The following SEC23B variants were observed in gnomAD, a reference collection of about 807,000 sequenced individuals.
SEC23B encodes the protein SEC23 homolog B, COPII component.
Under a neutral mutation model 104.3 loss-of-function variants are expected in SEC23B, and 77 were observed. The observed-to-expected ratio is 0.74, with a 90% CI of 0.61 to 0.89. The LOEUF (loss-of-function observed/expected upper bound fraction) is 0.89, where lower values mean the gene tolerates loss of function less well. Ranked by LOEUF, SEC23B falls within the 40% of genes least tolerant of loss-of-function variation. The probability of loss-of-function intolerance (pLI) is 0.00; values close to 1 mark genes in which losing one functional copy is unlikely to be tolerated. For synonymous variants in SEC23B, 338 were observed against 332.5 expected, an observed-to-expected ratio of 1.02 and a Z score of -0.18; for missense variants, 885 against 949.4, an observed-to-expected ratio of 0.93 and a Z score of 0.89.
chr20:18,546,295 G>A (rs935506547), intron 15 of SEC23B, among the ~76,000 whole-genome samples: 2 of 152,052 alleles, frequency 1.3e-5, no homozygotes, highest in African/African-American at 2.4e-5. Context: ...ATATAAGGCC[G>A]TAAAAAATAT....
At chr20:18,545,922 T>C (rs1433365816) in intron 14 of SEC23B, 34 bp from the exon 15 acceptor site, 2 of 1,169,608 alleles carry the variant, frequency 1.7e-6, no homozygotes, top group East Asian at 2.3e-5. Context: ...TTTTTGTGTG[T>C]GTTTGTTTGT....
At chr20:18,538,192 C>T (rs147155610) in intron 12 of SEC23B, among the ~76,000 whole-genome samples, 6 of 151,784 alleles carry the variant, frequency 4.0e-5, no homozygotes, top group East Asian at 1.9e-4. Context: ...CTGCCTGCCT[C>T]AGCTCCCAAA....
At chr20:18,537,486 A>G (rs1314968436) in intron 12 of SEC23B, among the ~76,000 whole-genome samples, 1 of 152,116 alleles carries the variant, frequency 6.6e-6, no homozygotes, top group African/African-American at 2.4e-5. Flanking sequence ...AAACTATCGC[A>G]AGGACAAAAA....
intron 4 of SEC23B, among the ~76,000 whole-genome samples, chr20:18,517,700 C>A (rs2060042128): frequency 6.6e-6 from 1 of 152,092 alleles, no homozygotes; most frequent in Non-Finnish European, 1.5e-5. Context: ...TGGGAACCTA[C>A]AGTGGGAGAG....
chr20:18,548,672 T>A lies in SEC23B; in HGVS notation c.1807T>A (p.Ser603Thr). 1 of 1,614,066 alleles carries A rather than the reference T, an allele frequency of 6.2e-7. No individual in the cohort carries two copies. The highest frequency in any genetic ancestry group is 8.5e-7 in the Non-Finnish European group (1 of 1,179,922). Residue 603 changes from serine (S) to threonine (T), a missense_variant, in exon 16 of 20, where the codon TCA becomes ACA. Ser to Thr is a moderately conservative substitution (Grantham distance 58). Transcript: ENST00000650089. ...GTTTAACAACAGTCCTGATGAGTCG[T>A]CATATTACAGACATCATTTTGCCCG... ...QVFNNSPDES[S>T]YYRHHFARQD...
At chr20:18,547,646 C>G (rs2060345438) in intron 15 of SEC23B, among the ~76,000 whole-genome samples, 2 of 152,154 alleles carry the variant, frequency 1.3e-5, no homozygotes, top group South Asian at 2.1e-4. Flanking sequence ...TCCCCTTCCC[C>G]CTGGCCCTGT....
chr20:18,508,707 C>T (rs2059954087), intron 1 of SEC23B, among the ~76,000 whole-genome samples: 1 of 135,784 alleles, frequency 7.4e-6, no homozygotes, highest in Non-Finnish European at 1.5e-5. Flanking sequence ...TAGATGGAGG[C>T]AGTAGCTTCT....
rs2059974917 is a variant in SEC23B, at chr20:18,510,847, C to T, written c.12C>T (p.Tyr4=). 3 of 1,613,882 alleles carry T rather than the reference C, an allele frequency of 1.9e-6. No homozygotes were observed. Among genetic ancestry groups the T allele is most frequent in the Admixed American group, 1.7e-5 (1 of 60,010 alleles). ...TTCCCTTTTAGACTATGGCGACATA[C>T]CTGGAGTTCATCCAGCAGAATGAAG... The part of the protein sequence containing the change: MAT[Y]LEFIQQNEER... Residue 4 remains tyrosine, a synonymous_variant, in exon 2 of 20, where the codon TAC becomes TAT. Transcript: ENST00000650089.
chr20:18,533,170 C>T (rs1400534387), intron 11 of SEC23B, among the ~76,000 whole-genome samples: 1 of 152,220 alleles, frequency 6.6e-6, no homozygotes, highest in Non-Finnish European at 1.5e-5. Context: ...CCTTTTACAA[C>T]AGAGACCACC....
chr20:18,536,364 G>A (rs1468887753), intron 12 of SEC23B, among the ~76,000 whole-genome samples: 1 of 152,194 alleles, frequency 6.6e-6, no homozygotes, highest in Non-Finnish European at 1.5e-5. Context: ...TGACCCTTGA[G>A]TAGTGTTGGG....
chr20:18,515,805 C>G, intron 4 of SEC23B, 69 bp downstream of exon 4: 3 of 1,021,256 alleles, frequency 2.9e-6, no homozygotes, highest in Non-Finnish European at 4.7e-6. Context: ...CCTTTGTCTT[C>G]CATGTCTCTT....
At chr20:18,554,040 G>A (rs941078486) in intron 17 of SEC23B, among the ~76,000 whole-genome samples, 195 bp from the exon 18 acceptor site, 2 of 152,188 alleles carry the variant, frequency 1.3e-5, no homozygotes, top group Non-Finnish European at 2.9e-5. Context: ...GGGGGAATGC[G>A]CAGGCGGGGG....
At chr20:18,546,264 A>C (rs2060330352) in intron 15 of SEC23B, among the ~76,000 whole-genome samples, 1 of 152,210 alleles carries the variant, frequency 6.6e-6, no homozygotes, top group South Asian at 2.1e-4. Flanking sequence ...ATTTTCATGA[A>C]CAGGCAAAAT....
chr20:18,539,254 C>T (rs1225809694), intron 12 of SEC23B, among the ~76,000 whole-genome samples: 4 of 148,940 alleles, frequency 2.7e-5, no homozygotes, highest in African/African-American at 9.9e-5. Context: ...GCCTGTAATC[C>T]CAGCACTTTG....
intron 17 of SEC23B, among the ~76,000 whole-genome samples, chr20:18,551,681 T>C (rs1295136166): frequency 6.6e-6 from 1 of 151,880 alleles, no homozygotes; most frequent in African/African-American, 2.4e-5. Flanking sequence ...ACCACTGCAT[T>C]CCAGCCTGGT....
intron 9 of SEC23B, among the ~76,000 whole-genome samples, chr20:18,528,499 T>G (rs1180417166): frequency 6.6e-6 from 1 of 152,158 alleles, no homozygotes; most frequent in African/African-American, 2.4e-5. Flanking sequence ...CCCAGGTGAT[T>G]TGCATGCACA....
chr20:18,537,399 A>C (rs1462675667), intron 12 of SEC23B, among the ~76,000 whole-genome samples: 2 of 151,756 alleles, frequency 1.3e-5, no homozygotes, highest in Non-Finnish European at 2.9e-5. Flanking sequence ...ACCATGGAAT[A>C]CTATGCAGCC....
chr20:18,510,907 G>A lies in SEC23B; in HGVS notation c.72G>A (p.Trp24Ter). Residue 24 changes from tryptophan to a stop codon, truncating the protein, a stop_gained, in exon 2 of 20, where the codon TGG (tryptophan) becomes TGA (stop). Coordinates refer to ENST00000650089, the MANE Select transcript of SEC23B (RefSeq NM_006363.6). LOFTEE classifies it high-confidence loss of function. Reference protein sequence around the residue: ...RDGVRFSWNVWPSSRLEATRM... With the variant: ...RDGVRFSWNV ...GTGTGCGTTTTAGTTGGAACGTGTG[G>A]CCTTCCAGCCGGCTGGAGGCTACAA... 6.2e-7 allele frequency: 1 copy of A among 1,614,120 alleles called. No homozygotes were observed. Among genetic ancestry groups the A allele is most frequent in the Non-Finnish European group, 8.5e-7 (1 of 1,180,010 alleles).
At chr20:18,516,059 A>C (rs1035820958) in intron 4 of SEC23B, 1 of 315,296 alleles carries the variant, frequency 3.2e-6, no homozygotes, top group Non-Finnish European at 6.1e-6. Flanking sequence ...TTCATGTTCC[A>C]TATCTAATTC....
Sources: allele counts gnomAD v4.1 joint callset (sites outside exome capture counted in the v4.1 genomes callset), GRCh38; gene constraint gnomAD v4.1.1; transcripts MANE v1.5; gene names NCBI Gene and HGNC (gene_info 2026-07-23, HGNC 2026-07-21).